The following MCTP2 variants were observed in gnomAD, a reference collection of about 807,000 sequenced individuals.
MCTP2 encodes multiple C2 and transmembrane domain-containing protein 2.
In MCTP2, 132 loss-of-function variants were observed where a neutral mutation model predicts 111.6. That is an observed-to-expected ratio of 1.18 (90% CI 1.03 to 1.37). The LOEUF (loss-of-function observed/expected upper bound fraction) is 1.37. MCTP2 is among the 40% of genes most tolerant of loss of function. The probability of loss-of-function intolerance (pLI) is 0.00; values close to 1 mark genes in which losing one functional copy is unlikely to be tolerated. For missense variants in MCTP2, 1,183 were observed against 1,067.9 expected, an observed-to-expected ratio of 1.11 and a Z score of -1.50; for synonymous variants, 395 against 387.7, an observed-to-expected ratio of 1.02 and a Z score of -0.22.
At chr15:94,391,167 C>G (rs868064982) in intron 14 of MCTP2, among the ~76,000 whole-genome samples, 5 of 151,966 alleles carry the variant, frequency 3.3e-5, no homozygotes, top group Admixed American at 6.6e-5. Flanking sequence ...CCATGTACAC[C>G]CGATAGCTGG....
chr15:94,298,756 T>C lies in MCTP2; in HGVS notation c.465+26T>C, dbSNP rs202210220. 249 of 1,471,068 alleles carry C rather than the reference T, an allele frequency of 1.7e-4. No individual in the cohort carries two copies. In the African/African-American group the frequency reaches 3.1e-3, roughly 19 times the overall value. The allele number at this position is 1,471,068 out of a possible 1,614,324, so 91.1% of individuals were successfully genotyped here. A position where few individuals can be genotyped will look rare whatever the true frequency, so the allele number is the denominator to read the frequency against. On this transcript the variant is annotated intron_variant, in intron 2 of 22. Transcript: ENST00000357742. The stretch of plus-strand genomic sequence containing the variant: ...GTGAGAATAGGGCTGGGCTCTCTTT[T>C]TTTTTGTCTCTCTCTCTCTCTCTCT...
chr15:94,335,288 A>G (rs1380979713), intron 4 of MCTP2, among the ~76,000 whole-genome samples: 1 of 152,258 alleles, frequency 6.6e-6, no homozygotes, highest in African/African-American at 2.4e-5. Context: ...AGTGGTGTAA[A>G]AAAAGAAAAG....
chr15:94,435,855 T>C (rs2083449160), intron 17 of MCTP2, among the ~76,000 whole-genome samples: 1 of 151,288 alleles, frequency 6.6e-6, no homozygotes, highest in African/African-American at 2.4e-5. Flanking sequence ...ATGGTCTCGA[T>C]CTCCTGACCT....
At chr15:94,301,020 G>A (rs1265044302) in intron 2 of MCTP2, among the ~76,000 whole-genome samples, 3 of 152,174 alleles carry the variant, frequency 2.0e-5, no homozygotes, top group Non-Finnish European at 4.4e-5. Flanking sequence ...CAGGCTAAAT[G>A]CAGAAAGCTT....
intron 20 of MCTP2, among the ~76,000 whole-genome samples, chr15:94,459,706 T>C (rs2085067486): frequency 6.6e-6 from 1 of 152,244 alleles, no homozygotes; most frequent in Non-Finnish European, 1.5e-5. Context: ...GAGGGCATCA[T>C]AATTCTTTAT....
chr15:94,343,405 T>C (rs2077771721), intron 7 of MCTP2: 1 of 152,194 alleles, frequency 6.6e-6, no homozygotes, highest in Non-Finnish European at 1.5e-5. Context: ...ATGGAGAGAT[T>C]TCAGTTTAAA....
chr15:94,245,915 A>C (rs915836440), intron 1 of MCTP2, among the ~76,000 whole-genome samples: 3 of 151,942 alleles, frequency 2.0e-5, no homozygotes, highest in Non-Finnish European at 1.5e-5. Context: ...GTTTCAAAAA[A>C]CTTGTCTCCC....
intron 1 of MCTP2, among the ~76,000 whole-genome samples, chr15:94,257,848 G>A (rs888351865): frequency 6.6e-6 from 1 of 150,820 alleles, no homozygotes; most frequent in Non-Finnish European, 1.5e-5. Flanking sequence ...GCCTCCCAAA[G>A]TGTCAGGATT....
intron 1 of MCTP2, among the ~76,000 whole-genome samples, chr15:94,262,597 A>G (rs1222904838): frequency 1.3e-5 from 2 of 152,186 alleles, no homozygotes; most frequent in Admixed American, 1.3e-4. Context: ...TGTTATATTA[A>G]TGGTGAAATA....
intron 17 of MCTP2, among the ~76,000 whole-genome samples, chr15:94,431,092 GGTTT>G (rs956523198): frequency 2.0e-5 from 3 of 151,900 alleles, no homozygotes; most frequent in African/African-American, 4.8e-5. Flanking sequence ...GGCTGCTTTT[GGTTT>G]GTTTTTGTTT....
chr15:94,328,662 C>T (rs1372627125), intron 4 of MCTP2, among the ~76,000 whole-genome samples: 1 of 152,076 alleles, frequency 6.6e-6, no homozygotes, highest in Admixed American at 6.5e-5. Context: ...GGGAGTGTGG[C>T]CTGTCATGGT....
intron 20 of MCTP2, among the ~76,000 whole-genome samples, chr15:94,464,257 T>TAATATATATATATATATATTATA (rs4001978): frequency 6.7e-5 from 3 of 44,968 alleles, no homozygotes; most frequent in African/African-American, 1.8e-4. Context: ...TATATATATA[T>TAATATATATATATATATATTATA]TATATATATA....
At chr15:94,464,229 T>TTATATATATAATATA (rs1183702975) in intron 20 of MCTP2, among the ~76,000 whole-genome samples, 1 of 88,278 alleles carries the variant, frequency 1.1e-5, no homozygotes, top group African/African-American at 4.8e-5. Flanking sequence ...TATTATATGT[T>TTATATATATAATATA]TATATATATA....
intron 12 of MCTP2, among the ~76,000 whole-genome samples, chr15:94,382,810 C>T (rs1190976448): frequency 6.6e-6 from 1 of 152,372 alleles, no homozygotes; most frequent in East Asian, 1.9e-4. Context: ...TTGTAAAGTG[C>T]CAGTGTGCTG....
chr15:94,378,258 G>T (rs58610938), intron 12 of MCTP2, among the ~76,000 whole-genome samples: 1 of 151,774 alleles, frequency 6.6e-6, no homozygotes, highest in Non-Finnish European at 1.5e-5. Flanking sequence ...GCAGTGACTC[G>T]CACCCATAAT....
At chr15:94,313,246 C>T (rs1214656248) in intron 2 of MCTP2, among the ~76,000 whole-genome samples, 1 of 152,222 alleles carries the variant, frequency 6.6e-6, no homozygotes, top group East Asian at 1.9e-4. Flanking sequence ...TCCTCACATT[C>T]AGCCCAGAAA....
intron 19 of MCTP2, among the ~76,000 whole-genome samples, chr15:94,445,455 A>G (rs2084058460): frequency 6.6e-6 from 1 of 152,146 alleles, no homozygotes; most frequent in South Asian, 2.1e-4. Flanking sequence ...TTGTTAGGAA[A>G]GGCTGGTGAA....
intron 5 of MCTP2, among the ~76,000 whole-genome samples, 195 bp downstream of exon 5, chr15:94,339,627 T>G (rs1486249930): frequency 6.6e-6 from 1 of 152,210 alleles, no homozygotes; most frequent in Non-Finnish European, 1.5e-5. Flanking sequence ...TACACTCCAG[T>G]GAAAATAATA....
In MCTP2 at chr15:94,324,622, C is replaced by G. The variant is rs112896592; in HGVS notation, c.637+8985C>G. On this transcript the variant is annotated intron_variant, in intron 4 of 22. Transcript: ENST00000357742. ...ACAGGTAGATATCTGACGTTCGTTT[C>G]TAGAGCAATGGCAGCTTTATATGCA... is the stretch of plus-strand genomic sequence containing the variant. Among the ~76,000 whole-genome samples, 164 of 152,168 alleles carry G rather than the reference C, an allele frequency of 1.1e-3. 1 individual carries two copies. The highest frequency in any genetic ancestry group is 3.6e-3 in the African/African-American group (151 of 41,518).
Sources: gnomAD v4.1 joint callset for allele counts (sites outside exome capture counted in the v4.1 genomes callset) on GRCh38, gnomAD v4.1.1 for gene constraint, MANE v1.5 for transcripts, NCBI Gene and HGNC (gene_info 2026-07-23, HGNC 2026-07-21) for gene names.